ARMH4: variants seen among roughly 807,000 people sequenced by gnomAD.
ARMH4 encodes armadillo like helical domain containing 4, also known as armadillo-like helical domain-containing protein 4.
Under a neutral mutation model 61.9 loss-of-function variants are expected in ARMH4, and 49 were observed. That is an observed-to-expected ratio of 0.79 (90% confidence interval 0.63 to 1.00). The LOEUF is 1.00. ARMH4 is among the 50% of genes least tolerant of loss of function. The probability of loss-of-function intolerance (pLI) is 0.00; values close to 1 mark genes in which losing one functional copy is unlikely to be tolerated. For missense variants in ARMH4, 934 were observed against 930.0 expected, an observed-to-expected ratio of 1.00 and a Z score of -0.06; for synonymous variants, 368 against 341.5, an observed-to-expected ratio of 1.08 and a Z score of -0.85.
At chr14:58,053,498 C>A (rs1884218028) in intron 5 of ARMH4, among the ~76,000 whole-genome samples, 1 of 152,202 alleles carries the variant, frequency 6.6e-6, no homozygotes. Context: ...AGATCAATTC[C>A]CTTCCTCAGC....
chr14:58,012,250 T>C (rs1428128269), intron 5 of ARMH4, 100 bp from the exon 6 acceptor site: 1 of 655,990 alleles, frequency 1.5e-6, no homozygotes, highest in Non-Finnish European at 2.5e-6. Context: ...TTGTATTAAA[T>C]ACAGTAAAAG....
At chr14:58,034,478 G>C (rs1339134819) in intron 5 of ARMH4, among the ~76,000 whole-genome samples, 1 of 126,912 alleles carries the variant, frequency 7.9e-6, no homozygotes, top group Non-Finnish European at 1.8e-5. Flanking sequence ...ATCGAGACTA[G>C]GAAGAAACTG....
At chr14:58,076,998 A>G (rs1275938304) in intron 5 of ARMH4, among the ~76,000 whole-genome samples, 1 of 152,148 alleles carries the variant, frequency 6.6e-6, no homozygotes, top group Non-Finnish European at 1.5e-5. Context: ...TGCCTATACC[A>G]TAATCTTGCT....
intron 4 of ARMH4, among the ~76,000 whole-genome samples, chr14:58,098,074 C>T (rs1885819203): frequency 6.6e-6 from 1 of 152,110 alleles, no homozygotes; most frequent in South Asian, 2.1e-4. Flanking sequence ...ACTCTCGGCA[C>T]AGCAGTTACT....
chr14:58,021,078 T>C (rs765777251), intron 5 of ARMH4, among the ~76,000 whole-genome samples: 12 of 152,246 alleles, frequency 7.9e-5, no homozygotes, highest in Non-Finnish European at 1.6e-4. Context: ...CCCCTTTTCA[T>C]AGGGCAGTTG....
chr14:58,057,300 T>G (rs1884377029), intron 5 of ARMH4, among the ~76,000 whole-genome samples: 1 of 152,226 alleles, frequency 6.6e-6, no homozygotes, highest in African/African-American at 2.4e-5. Flanking sequence ...CTTGCACATA[T>G]GAGTAGAGAG....
In ARMH4 at chr14:58,139,253, C is replaced by T. The variant is rs1887445849; in HGVS notation, c.106G>A (p.Glu36Lys). The change falls in exon 2 of 8, where the codon GAG (glutamate) becomes AAG (lysine). Residue 36 changes from glutamate (E) to lysine (K), a missense_variant. Transcript: ENST00000267485. ...TTTTCCGCATGAACATGTGCTATCT[C>T]CCTCCTCCTTTCTATTTTGGGGAAG... ...LAFPKIERRREIAHVHAEKGQ... is the reference protein window; with the variant it reads ...LAFPKIERRRKIAHVHAEKGQ... 1 of 1,614,034 alleles carries T rather than the reference C, an allele frequency of 6.2e-7. No individual in the cohort carries two copies. The highest frequency in any genetic ancestry group is 1.7e-5 in the Admixed American group (1 of 60,004).
At chr14:58,097,637 A>G (rs370217877) in intron 4 of ARMH4, among the ~76,000 whole-genome samples, 65 of 152,138 alleles carry the variant, frequency 4.3e-4, no homozygotes, top group Middle Eastern at 6.8e-3. Flanking sequence ...AATTACCATT[A>G]TCTTCATTGT....
chr14:58,080,768 TAATAA>T (rs1298190807), intron 5 of ARMH4, among the ~76,000 whole-genome samples: 1 of 152,084 alleles, frequency 6.6e-6, no homozygotes, highest in Admixed American at 6.6e-5. Context: ...TTTTCATCAT[TAATAA>T]AATAAAAAAT....
intron 4 of ARMH4, among the ~76,000 whole-genome samples, chr14:58,107,152 C>A (rs567001525): frequency 6.6e-6 from 1 of 152,274 alleles, no homozygotes; most frequent in Admixed American, 6.5e-5. Context: ...TTTTTTAGAT[C>A]TCCAGAAGAT....
intron 1 of ARMH4, among the ~76,000 whole-genome samples, chr14:58,142,367 A>T (rs557105356): frequency 1.3e-5 from 2 of 152,330 alleles, no homozygotes; most frequent in African/African-American, 4.8e-5. Context: ...TTCAAGAAAG[A>T]AGAAAGGTAA....
chr14:58,012,688 A>C (rs1882452375), intron 5 of ARMH4, among the ~76,000 whole-genome samples: 1 of 152,226 alleles, frequency 6.6e-6, no homozygotes, highest in Non-Finnish European at 1.5e-5. Flanking sequence ...AGTATTTCAG[A>C]AAGACATATA....
intron 2 of ARMH4, 27 bp from the exon 3 acceptor site, chr14:58,133,368 T>A (rs1429220676): frequency 3.3e-6 from 5 of 1,522,804 alleles, no homozygotes; most frequent in African/African-American, 1.4e-5. Flanking sequence ...CATTTAAAAA[T>A]AGACCAAATC....
intron 2 of ARMH4, among the ~76,000 whole-genome samples, chr14:58,134,756 A>G (rs917604571): frequency 6.6e-6 from 1 of 151,946 alleles, no homozygotes; most frequent in African/African-American, 2.4e-5. Context: ...GGAGTTCGAG[A>G]CCAGCCTGGC....
intron 4 of ARMH4, among the ~76,000 whole-genome samples, chr14:58,111,981 A>G (rs921805999): frequency 6.6e-6 from 1 of 151,946 alleles, no homozygotes; most frequent in African/African-American, 2.4e-5. Context: ...GGCATGAGCT[A>G]CCCCTCCCAG....
At chr14:58,070,839 C>A (rs913944136) in intron 5 of ARMH4, among the ~76,000 whole-genome samples, 1 of 152,010 alleles carries the variant, frequency 6.6e-6, no homozygotes, top group Non-Finnish European at 1.5e-5. Flanking sequence ...TACCCATTAA[C>A]CATCCCCAGC....
At chr14:58,059,929 A>G (rs190927602) in intron 5 of ARMH4, among the ~76,000 whole-genome samples, 387 of 152,298 alleles carry the variant, frequency 2.5e-3, no homozygotes, top group African/African-American at 9.1e-3. Context: ...AAGCAACTGA[A>G]AAGCTAAGTA....
chr14:58,086,922 G>C (rs534409284), intron 5 of ARMH4, among the ~76,000 whole-genome samples: 2 of 152,210 alleles, frequency 1.3e-5, no homozygotes, highest in Admixed American at 6.5e-5. Context: ...AGAAAAAGTC[G>C]GTAGGGAATG....
chr14:58,013,135 C>T (rs11621819), intron 5 of ARMH4, among the ~76,000 whole-genome samples: 26,747 of 152,056 alleles, frequency 0.18, 3,175 homozygotes, highest in East Asian at 0.56. Flanking sequence ...CTTCAACAGA[C>T]AGGAAGGAAG....
Sources: gnomAD v4.1 joint callset for allele counts (sites outside exome capture counted in the v4.1 genomes callset) on GRCh38, gnomAD v4.1.1 for gene constraint, MANE v1.5 for transcripts, NCBI Gene and HGNC (gene_info 2026-07-23, HGNC 2026-07-21) for gene names.